The following PCDH15 variants were observed in gnomAD, a reference collection of about 807,000 sequenced individuals.
The protein encoded by PCDH15 is protocadherin-15.
In PCDH15, 129 loss-of-function variants were observed where a neutral mutation model predicts 178.5. The ratio of observed to expected loss-of-function variants is 0.72; its 90% CI spans 0.63 to 0.84. The LOEUF is 0.84. Ranked by LOEUF, PCDH15 falls within the 40% of genes least tolerant of loss-of-function variation. The probability of loss-of-function intolerance (pLI) is 0.00; values close to 1 mark genes in which losing one functional copy is unlikely to be tolerated. For missense variants in PCDH15, 2,230 were observed against 2,099.9 expected, an observed-to-expected ratio of 1.06 and a Z score of -1.21; for synonymous variants, 800 against 732.0, an observed-to-expected ratio of 1.09 and a Z score of -1.50.
intron 2 of PCDH15, among the ~76,000 whole-genome samples, chr10:55,149,039 A>C (rs2132098600): frequency 6.6e-6 from 1 of 151,508 alleles, no homozygotes; most frequent in African/African-American, 2.4e-5. Context: ...AATGCAGGGA[A>C]TATCTAGCTT....
chr10:54,227,153 G>T (rs1706063991), intron 9 of PCDH15, among the ~76,000 whole-genome samples: 1 of 152,172 alleles, frequency 6.6e-6, no homozygotes, highest in Admixed American at 6.5e-5. Context: ...ACTCAGTGTG[G>T]GGGCTCTGAC....
intron 1 of PCDH15, among the ~76,000 whole-genome samples, chr10:55,205,376 A>G (rs1840368581): frequency 6.6e-6 from 1 of 152,020 alleles, no homozygotes; most frequent in Admixed American, 6.6e-5. Flanking sequence ...ATCTGGACTC[A>G]GTAATAACAA....
intron 1 of PCDH15, among the ~76,000 whole-genome samples, chr10:54,683,519 T>A (rs560296513): frequency 6.6e-6 from 1 of 152,278 alleles, no homozygotes; most frequent in South Asian, 2.1e-4. Context: ...GAACTACAAT[T>A]ATTGAGCATC....
At chr10:55,617,971 T>A (rs1027317108) in intron 2 of PCDH15, among the ~76,000 whole-genome samples, 4 of 152,080 alleles carry the variant, frequency 2.6e-5, no homozygotes, top group African/African-American at 9.7e-5. Flanking sequence ...GAAAGGCATG[T>A]GAATCCTATA....
intron 1 of PCDH15, among the ~76,000 whole-genome samples, chr10:54,730,857 T>C (rs1943235353): frequency 6.6e-6 from 1 of 151,442 alleles, no homozygotes; most frequent in Admixed American, 6.6e-5. Flanking sequence ...AGAGTTTTCT[T>C]TGTGTGTGTA....
chr10:55,122,069 A>C (rs1837786037), intron 2 of PCDH15, among the ~76,000 whole-genome samples: 1 of 152,226 alleles, frequency 6.6e-6, no homozygotes, highest in Non-Finnish European at 1.5e-5. Flanking sequence ...TGAAAAATTA[A>C]GGGAAAGGAT....
intron 2 of PCDH15, among the ~76,000 whole-genome samples, chr10:55,098,153 C>T (rs1591901305): frequency 6.6e-6 from 1 of 152,222 alleles, no homozygotes; most frequent in East Asian, 1.9e-4. Flanking sequence ...TTACAGTGCA[C>T]TACATAACTA....
intron 2 of PCDH15, among the ~76,000 whole-genome samples, chr10:55,580,377 A>G (rs1178124156): frequency 1.4e-3 from 150 of 105,266 alleles, no homozygotes; most frequent in African/African-American, 5.4e-3. Flanking sequence ...TTTTTTTTTG[A>G]GACGAAGTCT....
chr10:54,307,116 A>G lies in PCDH15; in HGVS notation c.876+10155T>C, dbSNP rs1469546799. Among the ~76,000 whole-genome samples the G allele has an allele frequency of 2.1e-3, 88 of 41,560 alleles. 9 individuals are homozygous for G. The highest frequency in any genetic ancestry group is 9.8e-3 in the Middle Eastern group (1 of 102). 27.3% of individuals were successfully genotyped at this position (41,560 alleles called of 152,430 possible). On this transcript the variant is annotated intron_variant, in intron 8 of 37. Coordinates refer to ENST00000644397, the MANE Select transcript of PCDH15 (RefSeq NM_001384140.1). ...TATGTGTGTGTGTGTATATATATAT[A>G]TATATATATATATATATATATATAT...
intron 2 of PCDH15, among the ~76,000 whole-genome samples, chr10:55,609,481 CTT>C (rs1401270939): frequency 6.6e-6 from 1 of 152,006 alleles, no homozygotes; most frequent in Non-Finnish European, 1.5e-5. Context: ...GTTAGGTACT[CTT>C]AGGTATTATG....
chr10:54,669,883 T>C (rs777124844), intron 1 of PCDH15, among the ~76,000 whole-genome samples: 10 of 151,646 alleles, frequency 6.6e-5, no homozygotes, highest in Non-Finnish European at 1.5e-4. Flanking sequence ...TGAAACCCCA[T>C]CTCTACTAAA....
At chr10:55,414,216 G>C (rs1838418789) in intron 2 of PCDH15, among the ~76,000 whole-genome samples, 1 of 151,444 alleles carries the variant, frequency 6.6e-6, no homozygotes, top group African/African-American at 2.4e-5. Flanking sequence ...TAAGAGGATA[G>C]AAAATAGGTT....
At chr10:53,890,196 T>C (rs1042511987) in intron 26 of PCDH15, among the ~76,000 whole-genome samples, 4 of 152,280 alleles carry the variant, frequency 2.6e-5, no homozygotes, top group African/African-American at 9.6e-5. Context: ...GGAAGGCCGA[T>C]GCAGGCGGAT....
intron 23 of PCDH15, among the ~76,000 whole-genome samples, chr10:53,958,804 C>A (rs566278877): frequency 6.6e-6 from 1 of 151,386 alleles, no homozygotes; most frequent in Non-Finnish European, 1.5e-5. Flanking sequence ...GCAGTGAAAC[C>A]CCACCTCTAC....
chr10:54,435,939 CA>C (rs2075352789), intron 3 of PCDH15, among the ~76,000 whole-genome samples: 3 of 151,088 alleles, frequency 2.0e-5, no homozygotes, highest in African/African-American at 7.3e-5. Context: ...CACTGCACTC[CA>C]GCCTGGGCAA....
chr10:54,903,088 C>T (rs1420048446), intron 2 of PCDH15, among the ~76,000 whole-genome samples: 1 of 152,034 alleles, frequency 6.6e-6, no homozygotes, highest in Non-Finnish European at 1.5e-5. Context: ...TTTCATTGCC[C>T]TTCCTTTACT....
At chr10:54,160,852 C>T (rs1358788566) in intron 13 of PCDH15, among the ~76,000 whole-genome samples, 1 of 152,048 alleles carries the variant, frequency 6.6e-6, no homozygotes, top group East Asian at 1.9e-4. Context: ...CAATGAGATA[C>T]TAATAAGCAT....
intron 2 of PCDH15, among the ~76,000 whole-genome samples, chr10:55,594,092 G>T (rs944988853): frequency 4.5e-4 from 69 of 151,996 alleles, no homozygotes; most frequent in African/African-American, 1.6e-3. Context: ...TCAAATCCAT[G>T]TCATTCTAGC....
chr10:55,336,270 C>T (rs773733538), intron 2 of PCDH15, among the ~76,000 whole-genome samples: 3 of 151,602 alleles, frequency 2.0e-5, no homozygotes, highest in African/African-American at 2.4e-5. Context: ...GAGGGCGACA[C>T]GGGTGGATCA....
Sources: gnomAD v4.1 joint callset for allele counts (sites outside exome capture counted in the v4.1 genomes callset) on GRCh38, gnomAD v4.1.1 for gene constraint, MANE v1.5 for transcripts, NCBI Gene and HGNC (gene_info 2026-07-23, HGNC 2026-07-21) for gene names.